Variants in AUH observed in about 807,000 individuals in gnomAD.
AUH encodes the protein AU RNA binding methylglutaconyl-CoA hydratase, also known as methylglutaconyl-CoA hydratase, mitochondrial.
In AUH, 29 loss-of-function variants were observed where a neutral mutation model predicts 42.3. The observed-to-expected ratio is 0.69, with a 90% CI of 0.51 to 0.93. The LOEUF (loss-of-function observed/expected upper bound fraction) is 0.93, where lower values mean the gene tolerates loss of function less well. Among genes scored for constraint, AUH ranks in the 40% least tolerant of loss-of-function variants. The pLI is 0.00. For synonymous variants in AUH, 174 were observed against 166.4 expected (o/e 1.05, Z -0.35); for missense variants, 452 against 438.1 (o/e 1.03, Z -0.28).
Position 91,298,009 on chromosome 9 carries a change from A to G in AUH, c.573T>C (p.Ala191=), listed in dbSNP as rs777245558. The G allele has an allele frequency of 6.2e-7, 1 of 1,613,136 alleles. No homozygotes were observed. Among genetic ancestry groups the G allele is most frequent in the South Asian group, 1.1e-5 (1 of 91,064 alleles). Residue 191 remains alanine (A), a synonymous_variant, in exon 5 of 10, where the codon GCT becomes GCC. Transcript: ENST00000375731. ...CTGCTACTCGTATATCACAGGCTAAAGCCAGTTCAAGACCACCACCTAAAG... is the reference window on the plus strand; with the variant it reads ...CTGCTACTCGTATATCACAGGCTAAGGCCAGTTCAAGACCACCACCTAAAG... The part of the protein sequence containing the change: ...GLALGGGLEL[A]LACDIRVAAS...
intron 3 of AUH, among the ~76,000 whole-genome samples, chr9:91,332,470 C>G (rs1278535645): frequency 6.6e-6 from 1 of 152,158 alleles, no homozygotes; most frequent in Non-Finnish European, 1.5e-5. Flanking sequence ...CCACTGCACT[C>G]CAGCCTGGGC....
intron 3 of AUH, among the ~76,000 whole-genome samples, chr9:91,328,343 T>G (rs927745932): frequency 1.3e-5 from 2 of 152,180 alleles, no homozygotes; most frequent in African/African-American, 4.8e-5. Flanking sequence ...TAGGTCATCA[T>G]CAGACCAATT....
chr9:91,361,115 G>T (rs979166734), intron 1 of AUH, among the ~76,000 whole-genome samples: 1 of 152,220 alleles, frequency 6.6e-6, no homozygotes, highest in African/African-American at 2.4e-5. Context: ...AAATGAAGTG[G>T]AACAGTCCCT....
chr9:91,281,390 TTCTC>T (rs1034451644), intron 6 of AUH, among the ~76,000 whole-genome samples: 4 of 152,290 alleles, frequency 2.6e-5, no homozygotes, highest in South Asian at 4.1e-4. Context: ...TCTCCTGGAG[TTCTC>T]TCTGTCTGTA....
Position 91,361,759 on chromosome 9 carries a change from C to A in AUH, c.131G>T (p.Arg44Leu). The A allele has an allele frequency of 6.5e-7, 1 of 1,544,616 alleles. No homozygotes were observed. The highest frequency in any genetic ancestry group is 8.7e-7 in the Non-Finnish European group (1 of 1,145,396). ...LRLPGSLAGR[R>L]AGPAIWAQGW... ...CTGGGCCCAGATCGCCGGGCCCGCT[C>A]GCCGGCCTGCCAACGAGCCGGGCAG... Residue 44 changes from arginine (R) to leucine (L), a missense_variant, in exon 1 of 10, where the codon CGA becomes CTA. By Grantham distance (102) the Arg-to-Leu change is moderately radical. Transcript: ENST00000375731.
chr9:91,358,516 C>G (rs1832609346), intron 1 of AUH, among the ~76,000 whole-genome samples: 1 of 152,192 alleles, frequency 6.6e-6, no homozygotes, highest in African/African-American at 2.4e-5. Context: ...GTTTCTTACT[C>G]TATTAAGATA....
chr9:91,225,527 A>C (rs1033531819), intron 6 of AUH, among the ~76,000 whole-genome samples: 10 of 152,070 alleles, frequency 6.6e-5, no homozygotes, highest in Non-Finnish European at 1.2e-4. Flanking sequence ...AGGATTCCTA[A>C]AGTGCCAGTT....
chr9:91,267,601 A>G (rs1461922282), intron 6 of AUH, among the ~76,000 whole-genome samples: 3 of 152,150 alleles, frequency 2.0e-5, no homozygotes, highest in Non-Finnish European at 4.4e-5. Context: ...AAGCTACCAC[A>G]GGGAGTACAC....
In AUH at chr9:91,254,290, G is replaced by A. The variant is rs150453055; in HGVS notation, c.656-33298C>T. ...ACAAAGCACTATGGGAGGAAGCTGC[G>A]GAAAGTCTTCCCTGAGCAGGGGCAC... On this transcript the variant is annotated intron_variant, in intron 6 of 9. Coordinates refer to ENST00000375731, the MANE Select transcript of AUH (RefSeq NM_001698.3). Among the ~76,000 whole-genome samples the A allele has an allele frequency of 4.5e-4, 69 of 152,234 alleles. 1 individual carries two copies. The East Asian group carries it at 0.012, about 27-fold the overall frequency.
Position 91,217,304 on chromosome 9 carries a change from T to C in AUH, c.867A>G (p.Ala289=). The C allele has an allele frequency of 6.2e-7, 1 of 1,614,012 alleles. No individual in the cohort carries two copies. Residue 289 remains alanine, a synonymous_variant, in exon 8 of 10, where the codon GCA becomes GCG. Transcript: ENST00000375731. The part of the protein sequence containing the change: ...LPQGPVAMRV[A]KLAINQGMEV... ...CCATCCCTTGATTAATTGCTAATTT[T>C]GCCACTCTCATTGCAACAGGTCCCT... is the stretch of plus-strand genomic sequence containing the variant.
At chr9:91,318,584 C>A (rs1829334555) in intron 4 of AUH, among the ~76,000 whole-genome samples, 1 of 152,198 alleles carries the variant, frequency 6.6e-6, no homozygotes, top group African/African-American at 2.4e-5. Flanking sequence ...CAGGCACCTC[C>A]AGAATTCTCT....
At chr9:91,350,472 TA>T (rs1831878624) in intron 3 of AUH, among the ~76,000 whole-genome samples, 1 of 152,198 alleles carries the variant, frequency 6.6e-6, no homozygotes, top group Non-Finnish European at 1.5e-5. Flanking sequence ...TCAAATGTTG[TA>T]ATGGGTCGGG....
At chr9:91,315,196 C>T (rs1353555916) in intron 4 of AUH, among the ~76,000 whole-genome samples, 1 of 152,176 alleles carries the variant, frequency 6.6e-6, no homozygotes, top group Non-Finnish European at 1.5e-5. Flanking sequence ...GCCTTGGCCT[C>T]GAAAAGTGGT....
intron 4 of AUH, among the ~76,000 whole-genome samples, chr9:91,308,035 C>T (rs546435594): frequency 5.3e-5 from 8 of 152,236 alleles, no homozygotes; most frequent in Admixed American, 3.9e-4. Context: ...AAATACAACG[C>T]TTAACATTAT....
At chr9:91,270,216 CAG>C (rs1460242656) in intron 6 of AUH, among the ~76,000 whole-genome samples, 2 of 152,120 alleles carry the variant, frequency 1.3e-5, no homozygotes, top group East Asian at 1.9e-4. Context: ...ATACAGAGAC[CAG>C]AGAGACCAAC....
At chr9:91,306,043 G>T (rs1017446564) in intron 4 of AUH, among the ~76,000 whole-genome samples, 1 of 152,162 alleles carries the variant, frequency 6.6e-6, no homozygotes, top group African/African-American at 2.4e-5. Flanking sequence ...CAGTTCACTG[G>T]GTTCAACTGG....
chr9:91,249,292 C>CAAAAAAAAAAAAAAAAAAAA (rs59102669), intron 6 of AUH, among the ~76,000 whole-genome samples: 3 of 32,504 alleles, frequency 9.2e-5, no homozygotes, highest in Non-Finnish European at 1.2e-4. Context: ...GAACCTGTCT[C>CAAAAAAAAAAAAAAAAAAAA]AAAAAAAAAA....
intron 4 of AUH, chr9:91,306,334 G>A: frequency 1.0e-6 from 1 of 984,078 alleles, no homozygotes; most frequent in African/African-American, 1.7e-5. Context: ...CTTACTAGTA[G>A]AACTGAGTGA....
At chr9:91,233,602 T>C (rs1828013586) in intron 6 of AUH, among the ~76,000 whole-genome samples, 1 of 152,190 alleles carries the variant, frequency 6.6e-6, no homozygotes, top group African/African-American at 2.4e-5. Flanking sequence ...CAGGAATGCG[T>C]ATGCCATAAA....
Sources: allele counts gnomAD v4.1 joint callset (sites outside exome capture counted in the v4.1 genomes callset), GRCh38; gene constraint gnomAD v4.1.1; transcripts MANE v1.5; gene names NCBI Gene and HGNC (gene_info 2026-07-23, HGNC 2026-07-21).